ERGIC2: variants seen among roughly 807,000 people sequenced by gnomAD.
The protein encoded by ERGIC2 is ERGIC and golgi 2, also known as endoplasmic reticulum-Golgi intermediate compartment protein 2.
In ERGIC2, 31 loss-of-function variants were observed where a neutral mutation model predicts 52.5. That is an observed-to-expected ratio of 0.59 (90% CI 0.44 to 0.80). The LOEUF is 0.80. Among genes scored for constraint, ERGIC2 ranks in the 30% least tolerant of loss-of-function variants. The pLI is 0.00. For missense variants in ERGIC2, 395 were observed against 455.2 expected, an observed-to-expected ratio of 0.87 and a Z score of 1.20; for synonymous variants, 129 against 140.6, an observed-to-expected ratio of 0.92 and a Z score of 0.58.
chr12:29,349,908 A>G, intron 9 of ERGIC2, 105 bp downstream of exon 9: 1 of 657,132 alleles, frequency 1.5e-6, no homozygotes, highest in Non-Finnish European at 2.7e-6. Context: ...CTTTGGATGA[A>G]TATGTTTTCA....
At chr12:29,370,737 T>C (rs1004434949) in intron 2 of ERGIC2, among the ~76,000 whole-genome samples, 1 of 151,946 alleles carries the variant, frequency 6.6e-6, no homozygotes, top group Non-Finnish European at 1.5e-5. Flanking sequence ...ACCACAATAA[T>C]CTGTGTGCCA....
intron 5 of ERGIC2, among the ~76,000 whole-genome samples, chr12:29,362,743 A>T (rs1323537857): frequency 6.6e-6 from 1 of 152,176 alleles, no homozygotes; most frequent in Non-Finnish European, 1.5e-5. Flanking sequence ...TATATGCTTC[A>T]AGTTAAATTG....
intron 8 of ERGIC2, among the ~76,000 whole-genome samples, chr12:29,351,082 T>C (rs1437064394): frequency 1.3e-5 from 2 of 151,958 alleles, no homozygotes; most frequent in African/African-American, 4.8e-5. Context: ...GCTCAAAAAA[T>C]ATACTGCTAA....
intron 3 of ERGIC2, 46 bp downstream of exon 3, chr12:29,370,068 A>C (rs770960515): frequency 2.5e-5 from 36 of 1,442,056 alleles, no homozygotes; most frequent in Non-Finnish European, 3.2e-5. Flanking sequence ...CTCTTTTTAA[A>C]ACAATTTGAA....
In ERGIC2 at chr12:29,340,824, T is replaced by C. The variant is rs1370549888; in HGVS notation, c.*332A>G. Reference sequence around the variant, plus strand: ...TTCCCATAGATGTAGTTTCACTTATTTCCTTCAGGCTTTTTATCAGCAAGA... The same window carrying C: ...TTCCCATAGATGTAGTTTCACTTATCTCCTTCAGGCTTTTTATCAGCAAGA... On this transcript the variant is annotated 3_prime_UTR_variant, in exon 14 of 14. Transcript: ENST00000360150. 2.3e-6 allele frequency: 1 copy of C among 444,142 alleles called. No individual in the cohort carries two copies. The highest frequency in any genetic ancestry group is 3.0e-5 in the Admixed American group (1 of 32,996). The allele number at this position is 444,142 out of a possible 1,614,324, so 27.5% of individuals were successfully genotyped here.
intron 7 of ERGIC2, among the ~76,000 whole-genome samples, chr12:29,357,247 G>A (rs1940220072): frequency 6.6e-6 from 1 of 152,136 alleles, no homozygotes; most frequent in African/African-American, 2.4e-5. Flanking sequence ...TGGGATTACA[G>A]ACGTGAGCCA....
Position 29,341,201 on chromosome 12 carries a change from G to T in ERGIC2, c.1089C>A (p.Gly363=), listed in dbSNP as rs765541772. The T allele has an allele frequency of 7.5e-6, 12 of 1,609,002 alleles. No individual in the cohort carries two copies. In the East Asian group the frequency reaches 2.5e-4, roughly 33 times the overall value. Residue 363 remains glycine, a synonymous_variant, in exon 14 of 14, where the codon GGC becomes GGA. Coordinates refer to ENST00000360150, the MANE Select transcript of ERGIC2 (RefSeq NM_016570.3). ...AAAGAGGTAAGTGGTTGTCTGTGTG[G>T]CCATCCTCAAAAGGAACCTAAGGAG... ...KPVNSVPFED[G]HTDNHLPLLE...
chr12:29,365,164 A>G (rs1213299412), intron 5 of ERGIC2, among the ~76,000 whole-genome samples: 1 of 152,124 alleles, frequency 6.6e-6, no homozygotes, highest in Non-Finnish European at 1.5e-5. Context: ...TCTGATCTTT[A>G]TTGCAGCACC....
chr12:29,345,625 G>C, intron 10 of ERGIC2, 85 bp from the exon 11 acceptor site: 1 of 775,980 alleles, frequency 1.3e-6, no homozygotes, highest in Non-Finnish European at 2.3e-6. Context: ...CATTTAACCT[G>C]AAATTTAGCT....
rs1949818155 is a variant in ERGIC2 at position 29,339,006 on chromosome 12, G to A, written c.*2150C>T. 1 of 152,118 alleles carries A rather than the reference G, an allele frequency of 6.6e-6. No individual in the cohort carries two copies. The highest frequency in any genetic ancestry group is 6.6e-5 in the Admixed American group (1 of 15,258). 9.4% of individuals were successfully genotyped at this position (152,118 alleles called of 1,614,324 possible). ...CAATAGAAAAGAATCACTTGGTGAG[G>A]CCAAAAACTCCTAACAAATCCTAAT... On this transcript the variant is annotated 3_prime_UTR_variant, in exon 14 of 14. Coordinates refer to ENST00000360150, the MANE Select transcript of ERGIC2 (RefSeq NM_016570.3).
chr12:29,379,335 A>G (rs1940555612), intron 1 of ERGIC2, among the ~76,000 whole-genome samples: 1 of 151,982 alleles, frequency 6.6e-6, no homozygotes, highest in Non-Finnish European at 1.5e-5. Context: ...GAGCCACACT[A>G]CAACGTGACT....
intron 6 of ERGIC2, among the ~76,000 whole-genome samples, chr12:29,360,979 G>A (rs1940276889): frequency 6.6e-6 from 1 of 152,182 alleles, no homozygotes; most frequent in South Asian, 2.1e-4. Context: ...GGGCACAGTG[G>A]CTCATGCCTG....
At chr12:29,378,177 A>G (rs1015291011) in intron 1 of ERGIC2, among the ~76,000 whole-genome samples, 2 of 152,202 alleles carry the variant, frequency 1.3e-5, no homozygotes, top group African/African-American at 4.8e-5. Flanking sequence ...GGCCATGTGA[A>G]GACACAGAGA....
chr12:29,370,116 A>G lies in ERGIC2; in HGVS notation c.213T>C (p.Ser71=), dbSNP rs753434181. ...KYEYEVDKDF[S]SKLRINIDIT... is the part of the protein sequence containing the mutation. ...CCAAGAAGAAAAAAAATGATTACCT[A>G]GAAAAATCCTTGTCTACTTCGTATT... Residue 71 remains serine (S), a splice_region_variant and synonymous_variant, in exon 3 of 14, where the codon TCT becomes TCC. Coordinates refer to ENST00000360150, the MANE Select transcript of ERGIC2 (RefSeq NM_016570.3). The G allele has an allele frequency of 2.5e-5, 38 of 1,504,844 alleles. No individual in the cohort carries two copies. Among genetic ancestry groups the G allele is most frequent in the Non-Finnish European group, 3.2e-5 (36 of 1,138,342 alleles). The allele number at this position is 1,504,844 out of a possible 1,614,324, so 93.2% of individuals were successfully genotyped here.
At chr12:29,352,134 A>G (rs967903352) in intron 8 of ERGIC2, among the ~76,000 whole-genome samples, 1 of 152,168 alleles carries the variant, frequency 6.6e-6, no homozygotes, top group African/African-American at 2.4e-5. Context: ...CTGTCAAATT[A>G]TAACTGCATC....
intron 9 of ERGIC2, 64 bp downstream of exon 9, chr12:29,349,949 G>T: frequency 2.0e-6 from 2 of 989,298 alleles, no homozygotes; most frequent in Non-Finnish European, 1.6e-6. Context: ...CACTATATCT[G>T]CACTTTTAAA....
chr12:29,341,829 A>G lies in ERGIC2; in HGVS notation c.989-13T>C, dbSNP rs1179050835. On this transcript the variant is annotated splice_polypyrimidine_tract_variant and intron_variant, in intron 12 of 13. Coordinates refer to ENST00000360150, the MANE Select transcript of ERGIC2 (RefSeq NM_016570.3). ...CCATGTAACATGCCTGTAATAAACA[A>G]TAAGTTTATGCTTTTAATTATTTCC... 1.4e-5 allele frequency: 18 copies of G among 1,255,756 alleles called. No individual in the cohort carries two copies. Among genetic ancestry groups the G allele is most frequent in the Middle Eastern group, 3.7e-4 (2 of 5,376 alleles). 77.8% of individuals were successfully genotyped at this position (1,255,756 alleles called of 1,614,324 possible).
rs1167700951 is a variant in ERGIC2, at chr12:29,338,454, G to C, written c.*2702C>G. 6.6e-6 allele frequency: 1 copy of C among 152,042 alleles called. No individual in the cohort carries two copies. Among genetic ancestry groups the C allele is most frequent in the Non-Finnish European group, 1.5e-5 (1 of 68,020 alleles). The allele number at this position is 152,042 out of a possible 1,614,324, so 9.4% of individuals were successfully genotyped here. A position where few individuals can be genotyped will look rare whatever the true frequency, so the allele number is the denominator to read the frequency against. ...GAGTCCGGGAGTTGGAGTCCAGCTTGAACAACACAGCAAGATACTAACTAT... is the reference window on the plus strand; with the variant it reads ...GAGTCCGGGAGTTGGAGTCCAGCTTCAACAACACAGCAAGATACTAACTAT... On this transcript the variant is annotated 3_prime_UTR_variant, in exon 14 of 14. Transcript: ENST00000360150.
In ERGIC2 at chr12:29,343,209, A is replaced by G. The variant is rs1340232601; in HGVS notation, c.899T>C (p.Leu300Pro). ...GIFMKYDLSS[L>P]MVTVTEEHMP... ...GTGCTCCTCAGTAACTGTCACCATA[A>G]GAGAACTGAGATCATATTTCATAAA... Residue 300 changes from leucine to proline, a missense_variant, in exon 12 of 14, where the codon CTT (leucine) becomes CCT (proline). By Grantham distance (98) the Leu-to-Pro change is moderately conservative. Transcript: ENST00000360150. 2.5e-6 allele frequency: 4 copies of G among 1,610,922 alleles called. No homozygotes were observed. The Admixed American group carries it at 6.7e-5, about 27-fold the overall frequency.
Sources: gnomAD v4.1 joint callset for allele counts (sites outside exome capture counted in the v4.1 genomes callset) on GRCh38, gnomAD v4.1.1 for gene constraint, MANE v1.5 for transcripts, NCBI Gene and HGNC (gene_info 2026-07-23, HGNC 2026-07-21) for gene names.